KANK1: variants seen among roughly 807,000 people sequenced by gnomAD.
KANK1 encodes KN motif and ankyrin repeat domains 1.
Under a neutral mutation model 106.2 loss-of-function variants are expected in KANK1, and 109 were observed. That is an observed-to-expected ratio of 1.03 (90% confidence interval 0.88 to 1.20). KANK1 has a LOEUF of 1.20. KANK1 is among the 50% of genes most tolerant of loss of function. KANK1 has a pLI of 0.00. For missense variants in KANK1, 2,399 were observed against 1,710.7 expected, an observed-to-expected ratio of 1.40 and a Z score of -7.10; for synonymous variants, 873 against 652.2, an observed-to-expected ratio of 1.34 and a Z score of -5.16.
chr9:592,627 G>T (rs930772027), intron 1 of KANK1, among the ~76,000 whole-genome samples: 3 of 151,970 alleles, frequency 2.0e-5, no homozygotes, highest in Non-Finnish European at 4.4e-5. Flanking sequence ...GATTGCACAG[G>T]CATTTAACTA....
At chr9:599,270 A>C (rs1270276655) in intron 1 of KANK1, among the ~76,000 whole-genome samples, 1 of 151,332 alleles carries the variant, frequency 6.6e-6, no homozygotes, top group Non-Finnish European at 1.5e-5. Context: ...TGCCCATCCC[A>C]GCCTCCCAAA....
At chr9:582,492 CTG>C (rs1265341655) in intron 1 of KANK1, among the ~76,000 whole-genome samples, 2 of 152,206 alleles carry the variant, frequency 1.3e-5, no homozygotes, top group East Asian at 3.8e-4. Context: ...CTCACTCACA[CTG>C]TGCACTTTTG....
At chr9:641,818 A>G (rs1838509335) in intron 1 of KANK1, among the ~76,000 whole-genome samples, 2 of 152,214 alleles carry the variant, frequency 1.3e-5, no homozygotes. Context: ...GGACTACTTT[A>G]TTAAGGTATA....
At chr9:675,988 C>A (rs1292052245) in intron 1 of KANK1, among the ~76,000 whole-genome samples, 1 of 152,086 alleles carries the variant, frequency 6.6e-6, no homozygotes, top group African/African-American at 2.4e-5. Context: ...GTAAACTGTC[C>A]TGCTGCTGGT....
chr9:566,986 T>C (rs1166563971), intron 1 of KANK1, among the ~76,000 whole-genome samples: 2 of 152,222 alleles, frequency 1.3e-5, no homozygotes. Context: ...GTATTACATT[T>C]AAGTTTTTAA....
At chr9:653,007 C>G (rs1312817320) in intron 1 of KANK1, among the ~76,000 whole-genome samples, 4 of 152,222 alleles carry the variant, frequency 2.6e-5, no homozygotes, top group Non-Finnish European at 5.9e-5. Context: ...GCCAGAGAAG[C>G]TTTCTGCGCA....
At chr9:686,110 A>T (rs1214283646) in intron 2 of KANK1, among the ~76,000 whole-genome samples, 2 of 151,954 alleles carry the variant, frequency 1.3e-5, no homozygotes, top group African/African-American at 4.8e-5. Flanking sequence ...TATCTTAAAA[A>T]CCCTACTCAT....
chr9:562,443 G>C (rs1816748884), intron 1 of KANK1, among the ~76,000 whole-genome samples: 1 of 152,184 alleles, frequency 6.6e-6, no homozygotes, highest in Admixed American at 6.5e-5. Context: ...TCTAGATCAT[G>C]TTCCCAGTAA....
At chr9:737,203 A>G (rs1834027282) in intron 7 of KANK1, among the ~76,000 whole-genome samples, 1 of 152,208 alleles carries the variant, frequency 6.6e-6, no homozygotes, top group African/African-American at 2.4e-5. Context: ...CTCCAGAGAA[A>G]CAGGAATGTG....
chr9:744,970 C>T (rs982682457), intron 11 of KANK1: 59 of 1,473,960 alleles, frequency 4.0e-5, no homozygotes, highest in Non-Finnish European at 5.3e-5. Context: ...AAGGTGACTT[C>T]CCAGGACAGC....
At chr9:508,121 CTTTTTTTTTTTTTTTT>C (rs71314711) in intron 1 of KANK1, among the ~76,000 whole-genome samples, 17 of 39,186 alleles carry the variant, frequency 4.3e-4, no homozygotes, top group East Asian at 2.6e-3. Flanking sequence ...CCTGCTCAGC[CTTTTTTTTTTTTTTTT>C]TTTTTTTTTT....
chr9:737,028 G>A (rs898093373), intron 7 of KANK1, among the ~76,000 whole-genome samples: 1 of 152,154 alleles, frequency 6.6e-6, no homozygotes. Flanking sequence ...CTTTTTAACT[G>A]AATTTTCATT....
At chr9:705,902 A>C (rs548053968) in intron 2 of KANK1, among the ~76,000 whole-genome samples, 9 of 152,204 alleles carry the variant, frequency 5.9e-5, no homozygotes, top group African/African-American at 2.2e-4. Context: ...TGCTCTCCAA[A>C]AAAAATTTTT....
intron 1 of KANK1, among the ~76,000 whole-genome samples, chr9:604,288 C>T (rs1215804573): frequency 6.6e-6 from 1 of 151,656 alleles, no homozygotes; most frequent in African/African-American, 2.4e-5. Context: ...TGTGGTTTGG[C>T]TGTGTGTCCC....
At chr9:714,860 C>T (rs1390334576) in intron 3 of KANK1, among the ~76,000 whole-genome samples, 1 of 152,150 alleles carries the variant, frequency 6.6e-6, no homozygotes, top group Middle Eastern at 3.2e-3. Context: ...ATAACATCAT[C>T]CTCAGCTTAG....
intron 1 of KANK1, among the ~76,000 whole-genome samples, chr9:576,746 A>AG (rs1382866300): frequency 6.6e-6 from 1 of 151,456 alleles, no homozygotes; most frequent in Non-Finnish European, 1.5e-5. Flanking sequence ...TGGGAGAGGA[A>AG]GAGGAGGGAC....
chr9:638,817 T>A (rs1837726449), intron 1 of KANK1, among the ~76,000 whole-genome samples: 1 of 152,216 alleles, frequency 6.6e-6, no homozygotes. Context: ...TCCAGAGAAT[T>A]ATTCTTCTCT....
chr9:512,440 C>G (rs1395620927), intron 1 of KANK1, among the ~76,000 whole-genome samples: 1 of 151,984 alleles, frequency 6.6e-6, no homozygotes, highest in African/African-American at 2.4e-5. Flanking sequence ...TAGTTCATAC[C>G]TTTAGTTGTT....
At chr9:515,516 CAG>C (rs1312819798) in intron 1 of KANK1, among the ~76,000 whole-genome samples, 2 of 151,782 alleles carry the variant, frequency 1.3e-5, no homozygotes, top group East Asian at 1.9e-4. Flanking sequence ...ATTTAAAGAA[CAG>C]AAGTTTATGG....
Sources: allele counts gnomAD v4.1 joint callset (sites outside exome capture counted in the v4.1 genomes callset), GRCh38; gene constraint gnomAD v4.1.1; transcripts MANE v1.5; gene names NCBI Gene and HGNC (gene_info 2026-07-23, HGNC 2026-07-21).